HHLA2: variants seen among roughly 807,000 people sequenced by gnomAD.
The protein encoded by HHLA2 is HHLA2 member of B7 family, also known as HERV-H LTR-associating protein 2.
HHLA2 carries 48 observed loss-of-function variants against 45.9 expected under a neutral mutation model. That is an observed-to-expected ratio of 1.05 (90% CI 0.83 to 1.33). The LOEUF (loss-of-function observed/expected upper bound fraction) is 1.33, where lower values mean the gene tolerates loss of function less well. Among genes scored for constraint, HHLA2 ranks in the 40% most tolerant of loss-of-function variants. The pLI, the probability that HHLA2 is intolerant of heterozygous loss-of-function variation, is 0.00. For missense variants in HHLA2, 462 were observed against 494.3 expected (o/e 0.93, Z 0.62); for synonymous variants, 161 against 173.9 (o/e 0.93, Z 0.59).
intron 2 of HHLA2, among the ~76,000 whole-genome samples, chr3:108,314,691 C>CT (rs2081075290): frequency 6.6e-6 from 1 of 152,214 alleles, no homozygotes; most frequent in African/African-American, 2.4e-5. Context: ...AGACATTTTA[C>CT]TTCATCGATT....
intron 3 of HHLA2, among the ~76,000 whole-genome samples, chr3:108,340,712 A>C (rs1457853050): frequency 3.9e-5 from 6 of 152,166 alleles, no homozygotes; most frequent in Admixed American, 3.9e-4. Context: ...TTATGTCATA[A>C]GATGTCAAAT....
chr3:108,319,065 C>T (rs555511346), intron 2 of HHLA2, among the ~76,000 whole-genome samples: 1 of 152,186 alleles, frequency 6.6e-6, no homozygotes, highest in South Asian at 2.1e-4. Context: ...CTTCTCTCTT[C>T]TCTCCTTCCC....
Position 108,351,768 on chromosome 3 carries a change from A to T in HHLA2, c.-26-20A>T. The T allele has an allele frequency of 6.6e-7, 1 of 1,524,090 alleles. No individual in the cohort carries two copies. Among genetic ancestry groups the T allele is most frequent in the African/African-American group, 1.4e-5 (1 of 73,196 alleles). The allele number at this position is 1,524,090 out of a possible 1,614,324, so 94.4% of individuals were successfully genotyped here. ...TGCATTTTAAATCCATAACATGTGCACTTTACTTCTCTTTGATAGCATGAC... is the reference window on the plus strand; with the variant it reads ...TGCATTTTAAATCCATAACATGTGCTCTTTACTTCTCTTTGATAGCATGAC... On this transcript the variant is annotated intron_variant, in intron 3 of 10. Transcript: ENST00000619531.
chr3:108,303,929 C>A (rs1470757510), intron 1 of HHLA2, among the ~76,000 whole-genome samples: 1 of 152,076 alleles, frequency 6.6e-6, no homozygotes, highest in African/African-American at 2.4e-5. Flanking sequence ...CTCTCATTTG[C>A]TTAGGCTGAG....
At chr3:108,376,034 T>G (rs927036680) in intron 9 of HHLA2, among the ~76,000 whole-genome samples, 1 of 152,226 alleles carries the variant, frequency 6.6e-6, no homozygotes, top group Non-Finnish European at 1.5e-5. Context: ...TATGTTTTAT[T>G]TTTAAATTCC....
chr3:108,350,959 A>C (rs2107451702), intron 3 of HHLA2, among the ~76,000 whole-genome samples: 1 of 152,352 alleles, frequency 6.6e-6, no homozygotes, highest in Non-Finnish European at 1.5e-5. Context: ...TGCTGGTATT[A>C]CAGGTGTGAA....
At chr3:108,343,805 A>ACCAGC (rs1285853933) in intron 3 of HHLA2, among the ~76,000 whole-genome samples, 1 of 152,246 alleles carries the variant, frequency 6.6e-6, no homozygotes, top group Non-Finnish European at 1.5e-5. Context: ...AACAGCTGTA[A>ACCAGC]CCAGCATAGG....
intron 5 of HHLA2, among the ~76,000 whole-genome samples, 185 bp from the exon 5 acceptor site, chr3:108,354,930 C>T (rs1347056813): frequency 6.6e-6 from 1 of 152,156 alleles, no homozygotes; most frequent in Non-Finnish European, 1.5e-5. Flanking sequence ...TAGATAACCA[C>T]ACTATATCTT....
intron 1 of HHLA2, among the ~76,000 whole-genome samples, chr3:108,307,361 C>T (rs915803089): frequency 1.4e-4 from 22 of 152,056 alleles, no homozygotes; most frequent in African/African-American, 5.1e-4. Context: ...GTTGGCCAGG[C>T]GTGGTGGCTC....
intron 8 of HHLA2, among the ~76,000 whole-genome samples, chr3:108,365,447 T>G (rs1411985500): frequency 6.6e-6 from 1 of 152,210 alleles, no homozygotes; most frequent in African/African-American, 2.4e-5. Flanking sequence ...TCCAGCTATG[T>G]TCTTTTGCTT....
intron 8 of HHLA2, among the ~76,000 whole-genome samples, chr3:108,370,160 C>T (rs901381217): frequency 5.9e-5 from 9 of 152,148 alleles, no homozygotes; most frequent in East Asian, 1.9e-4. Context: ...CACAAGTATC[C>T]GCTGTTCTGC....
At chr3:108,355,990 T>A (rs2081883026) in intron 6 of HHLA2, among the ~76,000 whole-genome samples, 1 of 151,936 alleles carries the variant, frequency 6.6e-6, no homozygotes. Flanking sequence ...AAAAAGTAAT[T>A]TGCTATCTCC....
chr3:108,360,161 A>G (rs572158774), intron 7 of HHLA2, among the ~76,000 whole-genome samples: 1 of 152,202 alleles, frequency 6.6e-6, no homozygotes, highest in South Asian at 2.1e-4. Context: ...TCTCTTGCTG[A>G]AGTCTTCATA....
chr3:108,346,753 A>G (rs1214602098), intron 3 of HHLA2, among the ~76,000 whole-genome samples: 1 of 152,192 alleles, frequency 6.6e-6, no homozygotes, highest in African/African-American at 2.4e-5. Flanking sequence ...AGCGTTACTA[A>G]TGTGCAGGCT....
At chr3:108,336,948 C>T (rs987480882) in intron 3 of HHLA2, among the ~76,000 whole-genome samples, 8 of 151,420 alleles carry the variant, frequency 5.3e-5, no homozygotes, top group Non-Finnish European at 7.4e-5. Flanking sequence ...CATGACTTAG[C>T]GCAAAATATT....
intron 1 of HHLA2, among the ~76,000 whole-genome samples, chr3:108,307,236 A>G (rs930164775): frequency 1.3e-5 from 2 of 152,180 alleles, no homozygotes; most frequent in African/African-American, 4.8e-5. Context: ...CTTTTATTGT[A>G]TTCTACCTCT....
chr3:108,330,276 C>T (rs2081360768), intron 3 of HHLA2, among the ~76,000 whole-genome samples: 1 of 152,070 alleles, frequency 6.6e-6, no homozygotes, highest in Non-Finnish European at 1.5e-5. Flanking sequence ...GTCTGGATAC[C>T]AGGAAGTGAT....
intron 3 of HHLA2, among the ~76,000 whole-genome samples, chr3:108,341,608 CA>C (rs10708947): frequency 0.63 from 96,197 of 151,574 alleles, 31,463 homozygotes; most frequent in African/African-American, 0.76. Flanking sequence ...TTTAAACAAA[CA>C]AAAAAAAACA....
intron 1 of HHLA2, among the ~76,000 whole-genome samples, chr3:108,305,735 G>A (rs1454972318): frequency 6.6e-6 from 1 of 152,198 alleles, no homozygotes; most frequent in East Asian, 1.9e-4. Context: ...CACAGTGACA[G>A]TTAAGGTCAG....
Sources: gnomAD v4.1 joint callset for allele counts (sites outside exome capture counted in the v4.1 genomes callset) on GRCh38, gnomAD v4.1.1 for gene constraint, MANE v1.5 for transcripts, NCBI Gene and HGNC (gene_info 2026-07-23, HGNC 2026-07-21) for gene names.